STUM: variants seen among roughly 807,000 people sequenced by gnomAD.
STUM encodes the protein stum, mechanosensory transduction mediator homolog, also known as protein stum homolog.
A neutral mutation model predicts 15.3 loss-of-function variants in STUM; 8 were observed. That is an observed-to-expected ratio of 0.52 (90% CI 0.31 to 0.94). STUM has a LOEUF of 0.94. Ranked by LOEUF, STUM falls within the 40% of genes least tolerant of loss-of-function variation. The pLI is 0.05. For missense variants in STUM, 142 were observed against 204.9 expected, an observed-to-expected ratio of 0.69 and a Z score of 1.87; for synonymous variants, 78 against 88.7, an observed-to-expected ratio of 0.88 and a Z score of 0.68.
In STUM at chr1:226,549,115, C is replaced by T; in HGVS notation, c.202+9C>T. ...TTTCGTGCCGGGACTGGGTAAGACA[C>T]GGCTGCCGCGACCCTTGCGACCCCC... On this transcript the variant is annotated intron_variant, in intron 1 of 3. Coordinates refer to ENST00000366788, the MANE Select transcript of STUM (RefSeq NM_001003665.4). The surrounding 1 kb of genome is among the most constrained non-coding windows in gnomAD (Gnocchi z 6.8). 1 of 1,570,758 alleles carries T rather than the reference C, an allele frequency of 6.4e-7. No individual in the cohort carries two copies. Among genetic ancestry groups the T allele is most frequent in the Non-Finnish European group, 8.6e-7 (1 of 1,161,350 alleles).
chr1:226,577,167 C>T (rs1667829844), intron 1 of STUM, among the ~76,000 whole-genome samples: 2 of 152,226 alleles, frequency 1.3e-5, no homozygotes, highest in African/African-American at 4.8e-5. Context: ...CTCAAGCAGT[C>T]TGGCTTCAGC....
intron 1 of STUM, among the ~76,000 whole-genome samples, chr1:226,561,183 C>T (rs1667535310): frequency 2.0e-5 from 3 of 152,132 alleles, no homozygotes; most frequent in Non-Finnish European, 2.9e-5. Context: ...TGTCTTAATC[C>T]TTCTATGGGA....
At chr1:226,554,741 T>A (rs967939862) in intron 1 of STUM, among the ~76,000 whole-genome samples, 1 of 152,226 alleles carries the variant, frequency 6.6e-6, no homozygotes, top group Non-Finnish European at 1.5e-5. Flanking sequence ...CACACATCCA[T>A]GCTGAAATTG....
Position 226,567,782 on chromosome 1 carries a change from A to G in STUM, c.202+18676A>G, listed in dbSNP as rs553849148. 5.8e-4 allele frequency among the ~76,000 whole-genome samples: 88 copies of G among 152,374 alleles called. No individual in the cohort carries two copies. Among genetic ancestry groups the G allele is most frequent in the African/African-American group, 2.0e-3 (85 of 41,592 alleles). ...GTGAGCAGGTCACGCATTTGGCACC[A>G]GATGCTGCCTAATTGAACACCTGAA... On this transcript the variant is annotated intron_variant, in intron 1 of 3. Coordinates refer to ENST00000366788, the MANE Select transcript of STUM (RefSeq NM_001003665.4). The surrounding 1 kb of genome is among the most constrained non-coding windows in gnomAD (Gnocchi z 4.5).
At chr1:226,575,553 G>T (rs1667795789) in intron 1 of STUM, among the ~76,000 whole-genome samples, 7 of 152,224 alleles carry the variant, frequency 4.6e-5, no homozygotes. Flanking sequence ...AGAGTGGGGG[G>T]TGGCTAAGTG....
At chr1:226,587,539 C>A (rs1668015851) in intron 1 of STUM, among the ~76,000 whole-genome samples, 1 of 152,118 alleles carries the variant, frequency 6.6e-6, no homozygotes, top group East Asian at 1.9e-4. Context: ...GTTCCCCTGA[C>A]CCCCTCAAAC....
chr1:226,569,967 C>T (rs970603069), intron 1 of STUM, among the ~76,000 whole-genome samples: 4 of 152,188 alleles, frequency 2.6e-5, no homozygotes, highest in Non-Finnish European at 5.9e-5. Context: ...AAAAAAGAGC[C>T]TCCAAGACAG....
intron 1 of STUM, among the ~76,000 whole-genome samples, chr1:226,585,348 G>A (rs1288758775): frequency 1.3e-5 from 2 of 152,146 alleles, no homozygotes; most frequent in African/African-American, 2.4e-5. Flanking sequence ...CTTCCTACTC[G>A]ATGTGGGGCC....
intron 2 of STUM, among the ~76,000 whole-genome samples, chr1:226,598,335 G>T (rs1668215381): frequency 6.6e-6 from 1 of 152,174 alleles, no homozygotes; most frequent in South Asian, 2.1e-4. Flanking sequence ...TGCCCAATTT[G>T]TGCAAGATGA....
chr1:226,590,132 A>C, intron 1 of STUM, among the ~76,000 whole-genome samples: 1 of 150,838 alleles, frequency 6.6e-6, no homozygotes. Context: ...CTTCATGTCC[A>C]CTTATCCCCT....
chr1:226,591,571 C>T (rs1201822366), intron 1 of STUM, among the ~76,000 whole-genome samples: 3 of 152,138 alleles, frequency 2.0e-5, no homozygotes, highest in Non-Finnish European at 4.4e-5. Flanking sequence ...AGGCCTTCCC[C>T]GCTCCACCAA....
rs1213413948 is a variant in STUM, at chr1:226,600,656, G to A, written c.383-10G>A. On this transcript the variant is annotated splice_polypyrimidine_tract_variant and intron_variant, in intron 2 of 3. Transcript: ENST00000366788. The surrounding 1 kb of genome is among the most constrained non-coding windows in gnomAD (Gnocchi z 5.2). ...TTCCTCCTGCTGCCTCCCACTCTGT[G>A]CTGCTGCAGTTTCCCAAGGTGAGTC... 6.2e-7 allele frequency: 1 copy of A among 1,611,008 alleles called. No individual in the cohort carries two copies. Among genetic ancestry groups the A allele is most frequent in the East Asian group, 2.2e-5 (1 of 44,866 alleles).
At chr1:226,581,260 G>A (rs1667911655) in intron 1 of STUM, among the ~76,000 whole-genome samples, 1 of 152,362 alleles carries the variant, frequency 6.6e-6, no homozygotes, top group African/African-American at 2.4e-5. Flanking sequence ...AGGAGTCAAA[G>A]GGAAGGGATT....
chr1:226,554,033 A>T (rs1249007015), intron 1 of STUM, among the ~76,000 whole-genome samples: 1 of 152,202 alleles, frequency 6.6e-6, no homozygotes, highest in East Asian at 1.9e-4. Flanking sequence ...CTTGTAGGAG[A>T]ATACTTCCTC....
At chr1:226,593,130 G>A (rs1439389553) in intron 1 of STUM, among the ~76,000 whole-genome samples, 2 of 147,118 alleles carry the variant, frequency 1.4e-5, no homozygotes, top group African/African-American at 5.1e-5. Context: ...AGGTTGCAGT[G>A]AGCTGAGATC....
chr1:226,560,642 A>G (rs552825), intron 1 of STUM, among the ~76,000 whole-genome samples: 134,636 of 152,160 alleles, frequency 0.88, 59,602 homozygotes, highest in East Asian at 0.93. Flanking sequence ...CCCTGGTTGG[A>G]GATGTTGCAT....
Position 226,602,626 on chromosome 1 carries a change from C to G in STUM, c.*586C>G, listed in dbSNP as rs922369464. ...GGCCTCGGGGAGAAGACCAGTCCCACAGGCGTCTCCTGGGCCTGCCTCCCT... is the reference window on the plus strand; with the variant it reads ...GGCCTCGGGGAGAAGACCAGTCCCAGAGGCGTCTCCTGGGCCTGCCTCCCT... On this transcript the variant is annotated 3_prime_UTR_variant, in exon 4 of 4. Transcript: ENST00000366788. The G allele has an allele frequency of 3.3e-5, 5 of 152,758 alleles. No homozygotes were observed. The highest frequency in any genetic ancestry group is 1.3e-4 in the Admixed American group (2 of 15,364). The allele number at this position is 152,758 out of a possible 1,614,324, so 9.5% of individuals were successfully genotyped here.
chr1:226,601,783 A>G (rs1437355654), intron 3 of STUM, among the ~76,000 whole-genome samples: 2 of 152,186 alleles, frequency 1.3e-5, no homozygotes, highest in South Asian at 2.1e-4. Context: ...CCCGCCCGTC[A>G]TACATTCCCA....
chr1:226,577,637 C>T (rs1311945616), intron 1 of STUM, among the ~76,000 whole-genome samples: 1 of 152,180 alleles, frequency 6.6e-6, no homozygotes, highest in African/African-American at 2.4e-5. Context: ...CTGAGAGCCC[C>T]TCGGGCCCCA....
Sources: allele counts gnomAD v4.1 joint callset (sites outside exome capture counted in the v4.1 genomes callset), GRCh38; gene constraint gnomAD v4.1.1; non-coding constraint Gnocchi (gnomAD v3.1); transcripts MANE v1.5; gene names NCBI Gene and HGNC (gene_info 2026-07-23, HGNC 2026-07-21).